The following TENM3 variants were observed in gnomAD, a reference collection of about 807,000 sequenced individuals.
TENM3 encodes teneurin transmembrane protein 3, also known as teneurin-3.
In TENM3, 63 loss-of-function variants were observed where a neutral mutation model predicts 255.1. The observed-to-expected ratio is 0.25, with a 90% CI of 0.20 to 0.30. The LOEUF (loss-of-function observed/expected upper bound fraction) is 0.30. Ranked by LOEUF, TENM3 falls within the 10% of genes least tolerant of loss-of-function variation. TENM3 has a pLI of 1.00. For synonymous variants in TENM3, 1,306 were observed against 1,322.3 expected (o/e 0.99, Z 0.27); for missense variants, 2,929 against 3,461.1 (o/e 0.85, Z 3.86).
chr4:181,966,803 G>A, the TENM3 span, among the ~76,000 whole-genome samples: 15 of 152,088 alleles, frequency 9.9e-5, no homozygotes, highest in South Asian at 2.1e-4. Flanking sequence ...CTACTGTGCC[G>A]CTAGACACAA....
At chr4:182,475,169 A>G (rs898389347) in intron 3 of TENM3, among the ~76,000 whole-genome samples, 3 of 152,198 alleles carry the variant, frequency 2.0e-5, no homozygotes, top group African/African-American at 7.2e-5. Flanking sequence ...GGACTCCTTT[A>G]GTGGTAGGTT....
the TENM3 span, among the ~76,000 whole-genome samples, chr4:181,888,496 A>ATATATATATATG: frequency 4.0e-5 from 1 of 24,694 alleles, no homozygotes; most frequent in African/African-American, 8.8e-5. Flanking sequence ...AGAAATGTGT[A>ATATATATATATG]TATATATATA....
the TENM3 span, among the ~76,000 whole-genome samples, chr4:182,087,661 A>G: frequency 6.6e-6 from 1 of 150,738 alleles, no homozygotes; most frequent in Non-Finnish European, 1.5e-5. Context: ...ATGGATCGAC[A>G]TTAATACACA....
the TENM3 span, among the ~76,000 whole-genome samples, chr4:181,876,317 C>T: frequency 6.6e-6 from 1 of 152,090 alleles, no homozygotes; most frequent in Admixed American, 6.6e-5. Flanking sequence ...CTATTTATAG[C>T]CTATTTAATG....
chr4:182,485,690 C>G (rs1281859162), intron 3 of TENM3, among the ~76,000 whole-genome samples: 1 of 152,052 alleles, frequency 6.6e-6, no homozygotes, highest in Non-Finnish European at 1.5e-5. Flanking sequence ...GTATTTTAAA[C>G]TAAAATCTGA....
chr4:181,603,269 A>G, the TENM3 span, among the ~76,000 whole-genome samples: 1 of 152,182 alleles, frequency 6.6e-6, no homozygotes, highest in East Asian at 1.9e-4. Flanking sequence ...GAATCTTGAG[A>G]GCAGAAAACT....
At chr4:182,612,003 C>T (rs1749037985) in intron 4 of TENM3, among the ~76,000 whole-genome samples, 1 of 152,024 alleles carries the variant, frequency 6.6e-6, no homozygotes, top group African/African-American at 2.4e-5. Flanking sequence ...TGTGGTGGCT[C>T]ATGCCTGAAT....
At chr4:182,617,831 A>G (rs1749683946) in intron 4 of TENM3, among the ~76,000 whole-genome samples, 1 of 152,234 alleles carries the variant, frequency 6.6e-6, no homozygotes, top group African/African-American at 2.4e-5. Flanking sequence ...CTCTTTGTCC[A>G]AGAAAGAATA....
chr4:182,386,117 A>C lies in TENM3; in HGVS notation c.511+39188A>C, dbSNP rs572821312. ...AGACTGATCACAAGTTTCTATTTGGAGAAAATCAATCATGCACTCAATTAG... is the reference window on the plus strand; with the variant it reads ...AGACTGATCACAAGTTTCTATTTGGCGAAAATCAATCATGCACTCAATTAG... On this transcript the variant is annotated intron_variant, in intron 3 of 27. Transcript: ENST00000511685. 1.3e-3 allele frequency among the ~76,000 whole-genome samples: 198 copies of C among 152,250 alleles called. 1 individual carries two copies. Among genetic ancestry groups the C allele is most frequent in the Non-Finnish European group, 2.1e-3 (146 of 68,050 alleles).
intron 24 of TENM3, among the ~76,000 whole-genome samples, chr4:182,784,856 G>A (rs1456362996): frequency 6.6e-6 from 1 of 152,144 alleles, no homozygotes; most frequent in Non-Finnish European, 1.5e-5. Flanking sequence ...ACTGGGAAAG[G>A]GAACTCCCTG....
chr4:182,159,455 TGTGTGTGTGTGTG>T (rs779374086), intron 1 of TENM3, among the ~76,000 whole-genome samples: 2 of 90,672 alleles, frequency 2.2e-5, no homozygotes, highest in Non-Finnish European at 5.5e-5. Context: ...TGAGTGTGTG[TGTGTGTGTGTGTG>T]TGTGTGTGTG....
Position 182,754,385 on chromosome 4 carries a change from G to C in TENM3, c.4018G>C (p.Val1340Leu), listed in dbSNP as rs1334207202. ...TCDTSMHISQ[V>L]RLEWPTDLAI... ...CCAGGCCATTTCTTTTTTTATTAAG[G>C]TACGTCTGGAATGGCCCACTGACCT... Residue 1340 changes from valine (V) to leucine (L), a missense_variant and splice_region_variant, in exon 22 of 28, where the codon GTA (valine) becomes CTA (leucine). This residue lies in a region of TENM3 where 1,608 missense variants were observed against 1,884.4 expected (regional missense o/e 0.85). Coordinates refer to ENST00000511685, the MANE Select transcript of TENM3 (RefSeq NM_001080477.4). This position sits in a 1 kb window ranked among gnomAD's most constrained non-coding sequence, Gnocchi z 5.1. 15 of 1,585,908 alleles carry C rather than the reference G, an allele frequency of 9.5e-6. No individual in the cohort carries two copies. The highest frequency in any genetic ancestry group is 1.3e-5 in the Non-Finnish European group (15 of 1,164,384).
In TENM3 at chr4:182,640,780, C is replaced by T. The variant is rs945504813; in HGVS notation, c.988+11891C>T. 9.9e-5 allele frequency among the ~76,000 whole-genome samples: 15 copies of T among 152,124 alleles called. 1 individual carries two copies. The highest frequency in any genetic ancestry group is 9.2e-4 in the Admixed American group (14 of 15,274). On this transcript the variant is annotated intron_variant, in intron 5 of 27. Coordinates refer to ENST00000511685, the MANE Select transcript of TENM3 (RefSeq NM_001080477.4). ...TTTGAAATATATTTCCACAAATGCT[C>T]CATAAATATTCATTAATAATGGTTA...
chr4:182,572,226 A>T (rs1009137378), intron 3 of TENM3, among the ~76,000 whole-genome samples: 4 of 152,204 alleles, frequency 2.6e-5, no homozygotes, highest in African/African-American at 9.6e-5. Flanking sequence ...TAAAACAGAG[A>T]CTTTGTACTG....
At chr4:181,688,172 C>A in the TENM3 span, among the ~76,000 whole-genome samples, 6 of 152,112 alleles carry the variant, frequency 3.9e-5, no homozygotes, top group Non-Finnish European at 4.4e-5. Context: ...TAGGAGCTAT[C>A]TTTGTCATCA....
At chr4:181,614,441 G>C in the TENM3 span, among the ~76,000 whole-genome samples, 3 of 152,088 alleles carry the variant, frequency 2.0e-5, no homozygotes, top group African/African-American at 7.2e-5. Flanking sequence ...TCTGATTCCT[G>C]GGCTCTACCT....
At chr4:182,729,219 G>A (rs747536559) in intron 14 of TENM3, 38 bp downstream of exon 14, 7 of 1,510,864 alleles carry the variant, frequency 4.6e-6, no homozygotes, top group Non-Finnish European at 6.4e-6. Context: ...TTGTAATGAT[G>A]TTATCAACAG....
chr4:181,493,182 A>T, the TENM3 span, among the ~76,000 whole-genome samples: 1 of 151,910 alleles, frequency 6.6e-6, no homozygotes, highest in Non-Finnish European at 1.5e-5. Flanking sequence ...TTTAATCTCA[A>T]TATTTTGGGA....
At chr4:182,347,043 T>C in intron 3 of TENM3, 114 bp downstream of exon 3, 1 of 934,374 alleles carries the variant, frequency 1.1e-6, no homozygotes, top group Admixed American at 3.0e-5. Context: ...CTTCTTTCTC[T>C]CTCTTTCTTG....
Sources: gnomAD v4.1 joint callset for allele counts (sites outside exome capture counted in the v4.1 genomes callset) on GRCh38, gnomAD v4.1.1 for gene constraint, gnomAD v4.1.1 regional missense constraint, Gnocchi (gnomAD v3.1) non-coding constraint, MANE v1.5 for transcripts, NCBI Gene and HGNC (gene_info 2026-07-23, HGNC 2026-07-21) for gene names.